PCDH11X: variants seen among roughly 807,000 people sequenced by gnomAD.
PCDH11X encodes protocadherin 11 X-linked.
PCDH11X carries 18 observed loss-of-function variants against 53.3 expected under a neutral mutation model. The ratio of observed to expected loss-of-function variants is 0.34; its 90% CI spans 0.23 to 0.50. PCDH11X has a LOEUF of 0.50. PCDH11X is among the 20% of genes least tolerant of loss of function. The probability of loss-of-function intolerance (pLI) is 0.98; values close to 1 mark genes in which losing one functional copy is unlikely to be tolerated. For synonymous variants in PCDH11X, 279 were observed against 393.3 expected (o/e 0.71, Z 3.44); for missense variants, 570 against 1,032.4 (o/e 0.55, Z 6.14).
At chrX:91,921,168 C>T (rs1252620087) in intron 6 of PCDH11X, among the ~76,000 whole-genome samples, 1 of 110,718 alleles carries the variant, frequency 9.0e-6, no homozygotes, top group African/African-American at 3.3e-5. Flanking sequence ...TTATTTTTTA[C>T]AGAAGTTTTA....
intron 7 of PCDH11X, among the ~76,000 whole-genome samples, chrX:92,221,023 G>A (rs1166269414): frequency 2.4e-5 from 2 of 82,201 alleles, no homozygotes; most frequent in East Asian, 7.4e-4. Flanking sequence ...CACAGGAAGG[G>A]GAACATCACA....
intron 9 of PCDH11X, among the ~76,000 whole-genome samples, chrX:92,463,093 A>T (rs753327549): frequency 0.014 from 1,467 of 107,826 alleles, 19 homozygotes; most frequent in African/African-American, 0.048. Context: ...TGAACAATTT[A>T]AAATATTAAG....
intron 10 of PCDH11X, among the ~76,000 whole-genome samples, chrX:92,493,996 T>G (rs1215134294): frequency 9.2e-6 from 1 of 108,464 alleles, no homozygotes; most frequent in African/African-American, 3.4e-5. Context: ...TTTTTTTTTT[T>G]AAGGTTATTT....
At position 92,267,074 on chromosome X, in the gene PCDH11X, A is replaced by C. The variant is rs2067848938; in HGVS notation, c.3144+3931A>C. Among the ~76,000 whole-genome samples, 3 of 111,933 alleles carry C rather than the reference A, an allele frequency of 2.7e-5. No homozygotes were observed. In the Admixed American group the frequency reaches 2.8e-4, roughly 11 times the overall value. On this transcript the variant is annotated intron_variant, in intron 8 of 10. Coordinates refer to ENST00000682573, the MANE Select transcript of PCDH11X (RefSeq NM_032968.5). Reference sequence around the variant, plus strand: ...TATTTTCAACTAAAAAGGGAATTACAGTTTTTTGAATCTGGTTAATAGTTT... The same window carrying C: ...TATTTTCAACTAAAAAGGGAATTACCGTTTTTTGAATCTGGTTAATAGTTT...
intron 7 of PCDH11X, among the ~76,000 whole-genome samples, chrX:92,247,611 A>G (rs2067375435): frequency 9.0e-6 from 1 of 111,690 alleles, no homozygotes; most frequent in Non-Finnish European, 1.9e-5. Flanking sequence ...TGTCTTTTCC[A>G]GCTTCTGGTT....
At chrX:92,483,243 A>C (rs1165520013) in intron 10 of PCDH11X, among the ~76,000 whole-genome samples, 2 of 110,541 alleles carry the variant, frequency 1.8e-5, no homozygotes, top group African/African-American at 3.3e-5. Context: ...ATAAATTAAC[A>C]CAGAGACATT....
chrX:92,070,488 ACT>A (rs1198865744), intron 6 of PCDH11X, among the ~76,000 whole-genome samples: 1 of 111,631 alleles, frequency 9.0e-6, no homozygotes, highest in African/African-American at 3.3e-5. Flanking sequence ...ATGTCATGCC[ACT>A]CTCTCTTGTC....
intron 6 of PCDH11X, among the ~76,000 whole-genome samples, chrX:91,988,896 C>T (rs986380400): frequency 1.1e-4 from 12 of 111,484 alleles, no homozygotes; most frequent in Non-Finnish European, 2.3e-4. Context: ...CTTGGGCTTC[C>T]AAGAATTCAC....
intron 9 of PCDH11X, among the ~76,000 whole-genome samples, chrX:92,447,495 C>A (rs2072680444): frequency 9.0e-6 from 1 of 111,623 alleles, no homozygotes; most frequent in Non-Finnish European, 1.9e-5. Flanking sequence ...CAAGCCTTGG[C>A]AGCTTCCATG....
intron 10 of PCDH11X, among the ~76,000 whole-genome samples, chrX:92,607,346 A>G (rs1252422853): frequency 9.0e-6 from 1 of 110,945 alleles, no homozygotes; most frequent in Admixed American, 9.6e-5. Context: ...CGAAAGCATT[A>G]TGCTAAATAC....
rs1928424613 is a variant in PCDH11X, at chrX:92,620,797, A to T, written c.*1857A>T. 1 of 108,588 alleles carries T rather than the reference A, an allele frequency of 9.2e-6. No homozygotes were observed. Among genetic ancestry groups the T allele is most frequent in the Non-Finnish European group, 1.9e-5 (1 of 52,516 alleles). The allele number at this position is 108,588 out of a possible 1,213,427, so 8.9% of individuals were successfully genotyped here. On this transcript the variant is annotated 3_prime_UTR_variant, in exon 11 of 11. Coordinates refer to ENST00000682573, the MANE Select transcript of PCDH11X (RefSeq NM_032968.5). ...AGAGTTTGATTAATAAAATTAATTA[A>T]TGTTTTTTCTCCTTCGTGTTGTTAA...
At chrX:92,352,466 C>A (rs1343542194) in intron 8 of PCDH11X, among the ~76,000 whole-genome samples, 1 of 111,564 alleles carries the variant, frequency 9.0e-6, no homozygotes, top group East Asian at 2.8e-4. Flanking sequence ...AATAATTGAC[C>A]TTCTGAATTC....
intron 10 of PCDH11X, among the ~76,000 whole-genome samples, chrX:92,575,942 T>TACACAC (rs1163516940): frequency 8.5e-5 from 2 of 23,440 alleles, no homozygotes; most frequent in African/African-American, 4.5e-4. Context: ...TATATATATA[T>TACACAC]ATACACACAC....
intron 8 of PCDH11X, among the ~76,000 whole-genome samples, chrX:92,331,184 T>C (rs928363192): frequency 9.1e-6 from 1 of 110,169 alleles, no homozygotes; most frequent in Non-Finnish European, 1.9e-5. Context: ...TAGGAATGTC[T>C]GAATCCCTTG....
intron 2 of PCDH11X, among the ~76,000 whole-genome samples, 164 bp from the exon 3 acceptor site, chrX:91,810,309 C>A (rs1238014627): frequency 9.0e-6 from 1 of 111,412 alleles, no homozygotes; most frequent in African/African-American, 3.3e-5. Flanking sequence ...TTCCCAAAAT[C>A]TAAAATTATT....
chrX:92,494,098 C>T lies in PCDH11X; in HGVS notation c.3367+25776C>T, dbSNP rs760984233. ...AACACCCATACCAAAAGAACCATTT[C>T]GCTATTTTGCATATTATCTATTCTA... On this transcript the variant is annotated intron_variant, in intron 10 of 10. Coordinates refer to ENST00000682573, the MANE Select transcript of PCDH11X (RefSeq NM_032968.5). Among the ~76,000 whole-genome samples the T allele has an allele frequency of 2.2e-3, 237 of 108,527 alleles. 1 individual carries two copies. The highest frequency in any genetic ancestry group is 7.7e-3 in the African/African-American group (229 of 29,867). The allele number at this position is 108,527 out of a possible 115,157, so 94.2% of individuals were successfully genotyped here. A position where few individuals can be genotyped will look rare whatever the true frequency, so the allele number is the denominator to read the frequency against.
chrX:91,936,699 T>A (rs1244182644), intron 6 of PCDH11X, among the ~76,000 whole-genome samples: 2 of 106,228 alleles, frequency 1.9e-5, no homozygotes, highest in Non-Finnish European at 3.9e-5. Flanking sequence ...AAAGGGATTA[T>A]TTAAGTTTAG....
At chrX:92,269,157 A>G (rs2067897750) in intron 8 of PCDH11X, among the ~76,000 whole-genome samples, 1 of 111,420 alleles carries the variant, frequency 9.0e-6, no homozygotes, top group Non-Finnish European at 1.9e-5. Context: ...CCAATTACTC[A>G]GTCCCTCTCC....
chrX:91,882,183 C>T (rs73535581), intron 6 of PCDH11X, among the ~76,000 whole-genome samples: 2,191 of 110,518 alleles, frequency 0.02, 52 homozygotes, highest in African/African-American at 0.069. Flanking sequence ...ATATAATGGT[C>T]GTCTTTGGCA....
Sources: gnomAD v4.1 joint callset for allele counts (sites outside exome capture counted in the v4.1 genomes callset) on GRCh38, gnomAD v4.1.1 for gene constraint, MANE v1.5 for transcripts, NCBI Gene and HGNC (gene_info 2026-07-23, HGNC 2026-07-21) for gene names.